Variants in NFASC observed in about 807,000 individuals in gnomAD.
NFASC encodes the protein neurofascin homolog.
NFASC carries 43 observed loss-of-function variants against 147.5 expected under a neutral mutation model. That is an observed-to-expected ratio of 0.29 (90% CI 0.23 to 0.38). NFASC has a LOEUF of 0.38. NFASC is among the 10% of genes least tolerant of loss of function. The pLI is 1.00. For synonymous variants in NFASC, 622 were observed against 665.5 expected (o/e 0.93, Z 1.01); for missense variants, 1,320 against 1,689.0 (o/e 0.78, Z 3.83).
intron 1 of NFASC, among the ~76,000 whole-genome samples, chr1:204,843,262 G>A (rs1675902980): frequency 6.6e-6 from 1 of 152,156 alleles, no homozygotes; most frequent in African/African-American, 2.4e-5. Context: ...AAGATATTGT[G>A]CTTGCTGGGA....
chr1:204,923,095 C>A (rs2090826962), intron 2 of NFASC, among the ~76,000 whole-genome samples: 1 of 152,244 alleles, frequency 6.6e-6, no homozygotes, highest in African/African-American at 2.4e-5. Flanking sequence ...CCAACTCTGG[C>A]ACCTGTGTGG....
intron 2 of NFASC, among the ~76,000 whole-genome samples, chr1:204,925,451 T>G (rs1264961836): frequency 6.6e-6 from 1 of 152,224 alleles, no homozygotes; most frequent in Non-Finnish European, 1.5e-5. Flanking sequence ...GCATCTTGTC[T>G]GGTATGTTTC....
intron 1 of NFASC, chr1:204,870,551 C>A: frequency 2.2e-6 from 1 of 451,202 alleles, no homozygotes; most frequent in Non-Finnish European, 3.0e-6. Flanking sequence ...CACCCCACCC[C>A]CGCCTTGGGG....
At chr1:204,999,265 G>A (rs189465480) in intron 25 of NFASC, 2 of 151,912 alleles carry the variant, frequency 1.3e-5, no homozygotes, top group East Asian at 1.9e-4. Context: ...TAGTGCTTCC[G>A]GGTCATCATC....
chr1:204,875,210 T>C (rs1271774080), intron 1 of NFASC, among the ~76,000 whole-genome samples: 1 of 152,134 alleles, frequency 6.6e-6, no homozygotes, highest in Admixed American at 6.5e-5. Context: ...GATTTCTGAG[T>C]GTGAACAAAT....
intron 27 of NFASC, chr1:205,009,343 C>G (rs545219352): frequency 1.4e-6 from 1 of 705,788 alleles, no homozygotes; most frequent in African/African-American, 1.7e-5. Flanking sequence ...TACCCCTTTC[C>G]TTTGCCTCTT....
chr1:204,948,928 C>G (rs1213441539), intron 3 of NFASC, among the ~76,000 whole-genome samples: 1 of 152,234 alleles, frequency 6.6e-6, no homozygotes. Flanking sequence ...CCCCTTCTCC[C>G]CACCCAAGCC....
rs970532688 is a variant in NFASC at position 204,831,860 on chromosome 1, G to A, written c.-200+3078G>A. On this transcript the variant is annotated intron_variant, in intron 1 of 29. Coordinates refer to ENST00000339876, the MANE Select transcript of NFASC (RefSeq NM_001005388.3). ...AAGTAAGCTAGGGTCCAATCTCTCC[G>A]AGCTCCTGGGCAATGGAAGAGGAAG... Among the ~76,000 whole-genome samples the A allele has an allele frequency of 3.3e-5, 5 of 152,286 alleles. No homozygotes were observed. The South Asian group carries it at 6.2e-4, about 19-fold the overall frequency.
intron 12 of NFASC, 112 bp downstream of exon 12, chr1:204,973,531 G>C: frequency 4.4e-6 from 6 of 1,350,648 alleles, no homozygotes; most frequent in Non-Finnish European, 6.1e-6. Flanking sequence ...TGGCCAAGCT[G>C]GGTGAGGTAA....
chr1:204,993,042 G>A (rs1361706369), intron 24 of NFASC, among the ~76,000 whole-genome samples: 1 of 152,192 alleles, frequency 6.6e-6, no homozygotes, highest in East Asian at 1.9e-4. Flanking sequence ...GCTGTTCTCA[G>A]CTTTAAATGC....
chr1:204,969,772 A>G (rs1383280019), intron 10 of NFASC, among the ~76,000 whole-genome samples: 1 of 152,184 alleles, frequency 6.6e-6, no homozygotes, highest in Non-Finnish European at 1.5e-5. Flanking sequence ...CAACTGAACA[A>G]GGTGGCCAGC....
At chr1:204,884,655 GA>G (rs1354576272) in intron 1 of NFASC, among the ~76,000 whole-genome samples, 6 of 152,258 alleles carry the variant, frequency 3.9e-5, no homozygotes, top group Non-Finnish European at 4.4e-5. Flanking sequence ...TTGAAAAATG[GA>G]GTTAATAGCC....
chr1:204,982,395 G>GA (rs1416277082), intron 21 of NFASC, among the ~76,000 whole-genome samples: 3 of 152,176 alleles, frequency 2.0e-5, no homozygotes, highest in Non-Finnish European at 2.9e-5. Flanking sequence ...CTAGTACCAA[G>GA]AAAAAACATC....
Position 205,009,550 on chromosome 1 carries a change from C to G in NFASC, c.3290-7C>G. The G allele has an allele frequency of 2.5e-6, 4 of 1,613,988 alleles. No individual in the cohort carries two copies. Among genetic ancestry groups the G allele is most frequent in the Non-Finnish European group, 3.4e-6 (4 of 1,179,900 alleles). ...TTCACGGGTTTGCTTCCGGCCCTCC[C>G]CGCCAGCTTACACCAACAACCAAGC... is the stretch of plus-strand genomic sequence containing the variant. On this transcript the variant is annotated splice_polypyrimidine_tract_variant and splice_region_variant and intron_variant, in intron 27 of 29. Coordinates refer to ENST00000339876, the MANE Select transcript of NFASC (RefSeq NM_001005388.3).
intron 2 of NFASC, among the ~76,000 whole-genome samples, chr1:204,922,574 G>C (rs939250119): frequency 6.6e-6 from 1 of 152,142 alleles, no homozygotes; most frequent in African/African-American, 2.4e-5. Flanking sequence ...AATAAACTAA[G>C]GCTCTCTGAG....
In NFASC at chr1:204,914,498, A is replaced by G. The variant is rs1318444837; in HGVS notation, c.-199-6134A>G. 2.6e-5 allele frequency among the ~76,000 whole-genome samples: 4 copies of G among 152,364 alleles called. No homozygotes were observed. The East Asian group carries it at 5.8e-4, about 22-fold the overall frequency. On this transcript the variant is annotated intron_variant, in intron 1 of 29. Transcript: ENST00000339876. ...GTAAGTTTTCAAGGCCTCCCCAGCC[A>G]TGCTGAACTGTGAGACAGCTAAACC... is the stretch of plus-strand genomic sequence containing the variant.
At chr1:204,893,442 T>C (rs1429090291) in intron 1 of NFASC, among the ~76,000 whole-genome samples, 1 of 152,148 alleles carries the variant, frequency 6.6e-6, no homozygotes, top group Non-Finnish European at 1.5e-5. Flanking sequence ...ACTAAGAGCA[T>C]CTCTGAGAGT....
intron 24 of NFASC, among the ~76,000 whole-genome samples, chr1:204,996,713 C>G (rs973953615): frequency 2.0e-5 from 3 of 152,132 alleles, no homozygotes; most frequent in African/African-American, 4.8e-5. Context: ...GCAGGCCACT[C>G]TAGGCCTCTG....
intron 1 of NFASC, among the ~76,000 whole-genome samples, chr1:204,903,772 A>G (rs1218151314): frequency 6.6e-6 from 1 of 152,248 alleles, no homozygotes; most frequent in African/African-American, 2.4e-5. Flanking sequence ...TTGAACATGT[A>G]AACTAAGTAT....
Sources: gnomAD v4.1 joint callset for allele counts (sites outside exome capture counted in the v4.1 genomes callset) on GRCh38, gnomAD v4.1.1 for gene constraint, MANE v1.5 for transcripts, NCBI Gene and HGNC (gene_info 2026-07-23, HGNC 2026-07-21) for gene names.